Variants in NPIPB2 observed in about 807,000 individuals in gnomAD.
NPIPB2 encodes nuclear pore complex-interacting protein family member B2.
Under a neutral mutation model 30.8 loss-of-function variants are expected in NPIPB2, and 27 were observed. The observed-to-expected ratio is 0.88, with a 90% CI of 0.65 to 1.21. The LOEUF is 1.21. NPIPB2 is among the 50% of genes most tolerant of loss of function. The probability of loss-of-function intolerance (pLI) is 0.00; values close to 1 mark genes in which losing one functional copy is unlikely to be tolerated. For synonymous variants in NPIPB2, 147 were observed against 162.0 expected, an observed-to-expected ratio of 0.91 and a Z score of 0.70; for missense variants, 440 against 446.2, an observed-to-expected ratio of 0.99 and a Z score of 0.13.
intron 1 of NPIPB2, among the ~76,000 whole-genome samples, chr16:11,965,650 C>G (rs887292783): frequency 6.6e-6 from 1 of 152,018 alleles, no homozygotes; most frequent in African/African-American, 2.4e-5. Flanking sequence ...TGATTCAGCA[C>G]TATTAGCAAC....
intron 1 of NPIPB2, among the ~76,000 whole-genome samples, chr16:11,964,955 C>T (rs2055181666): frequency 6.6e-6 from 1 of 152,150 alleles, no homozygotes; most frequent in Non-Finnish European, 1.5e-5. Context: ...AACAGATGTT[C>T]CAGAAACTGT....
At chr16:11,959,174 C>A (rs549685497) in intron 1 of NPIPB2, among the ~76,000 whole-genome samples, 3 of 152,266 alleles carry the variant, frequency 2.0e-5, no homozygotes, top group African/African-American at 7.2e-5. Context: ...GGTGTGAGTA[C>A]TGGATTCCTC....
intron 1 of NPIPB2, among the ~76,000 whole-genome samples, chr16:11,971,084 T>C (rs2055232648): frequency 6.8e-6 from 1 of 147,934 alleles, no homozygotes; most frequent in Admixed American, 6.8e-5. Flanking sequence ...CTTGAACTCC[T>C]GGGCTCAAGC....
intron 1 of NPIPB2, among the ~76,000 whole-genome samples, chr16:11,963,103 G>C (rs181279260): frequency 6.6e-6 from 1 of 152,246 alleles, no homozygotes; most frequent in African/African-American, 2.4e-5. Context: ...AAATCATCCA[G>C]GCTAGGTGGC....
At chr16:11,948,761 C>T (rs1460966506) in intron 1 of NPIPB2, among the ~76,000 whole-genome samples, 5 of 80,654 alleles carry the variant, frequency 6.2e-5, no homozygotes, top group Non-Finnish European at 9.1e-5. Context: ...AGCGAGACTC[C>T]GTCTCAAAAA....
intron 1 of NPIPB2, chr16:11,967,787 C>A: frequency 6.2e-7 from 1 of 1,614,200 alleles, no homozygotes; most frequent in Non-Finnish European, 8.5e-7. Flanking sequence ...ATGACTATTG[C>A]AAGAGCCTGC....
chr16:11,957,396 C>G (rs1008650627), intron 1 of NPIPB2, among the ~76,000 whole-genome samples: 2 of 152,208 alleles, frequency 1.3e-5, no homozygotes, highest in Admixed American at 6.6e-5. Context: ...ATCTCCTGAC[C>G]TCGTGACCCA....
intron 1 of NPIPB2, among the ~76,000 whole-genome samples, chr16:11,976,201 T>G (rs1189460891): frequency 1.3e-5 from 2 of 152,096 alleles, no homozygotes; most frequent in African/African-American, 4.8e-5. Flanking sequence ...AGTGTTGGGA[T>G]TACAGGCGTG....
chr16:11,945,041 G>T (rs939996956), upstream of NPIPB2, among the ~76,000 whole-genome samples: 5 of 151,420 alleles, frequency 3.3e-5, no homozygotes, highest in African/African-American at 1.2e-4. Context: ...AAAAAAATTA[G>T]CCAGGCATGG....
rs138616612 is a variant in NPIPB2 at position 11,970,569 on chromosome 16, C to T, written c.-584+5999G>A. Among the ~76,000 whole-genome samples the T allele has an allele frequency of 5.0e-3, 759 of 151,842 alleles. 7 individuals carry two copies. The highest frequency in any genetic ancestry group is 0.031 in the East Asian group (161 of 5,156). ...CTTTCTTTTGAGACACAGTTTCACTCTTGTTGCCCAGGTTAGAGTGCAGTG... is the reference window on the plus strand; with the variant it reads ...CTTTCTTTTGAGACACAGTTTCACTTTTGTTGCCCAGGTTAGAGTGCAGTG... On this transcript the variant is annotated intron_variant, in intron 1 of 5. Coordinates refer to the NPIPB2 transcript ENST00000538896.
chr16:11,963,067 A>G (rs927024138), intron 1 of NPIPB2, among the ~76,000 whole-genome samples: 3 of 151,958 alleles, frequency 2.0e-5, no homozygotes, highest in African/African-American at 7.3e-5. Flanking sequence ...AAAACAAACA[A>G]ACAAACAAAC....
chr16:11,947,040 T>TATATATA (rs138584572), upstream of NPIPB2, among the ~76,000 whole-genome samples: 5 of 139,826 alleles, frequency 3.6e-5, no homozygotes, highest in Admixed American at 2.2e-4. Context: ...ACTATTTGAA[T>TATATATA]TATATATATA....
upstream of NPIPB2, among the ~76,000 whole-genome samples, chr16:11,942,778 C>T (rs1408434817): frequency 6.6e-6 from 1 of 151,628 alleles, no homozygotes; most frequent in African/African-American, 2.4e-5. Context: ...CCAGGACAGA[C>T]CCCCACTGTC....
chr16:11,967,672 C>T lies in NPIPB2; in HGVS notation c.-584+8896G>A, dbSNP rs764270889. The T allele has an allele frequency of 9.3e-6, 15 of 1,614,036 alleles. No homozygotes were observed. Among genetic ancestry groups the T allele is most frequent in the East Asian group, 8.9e-5 (4 of 44,900 alleles). On this transcript the variant is annotated intron_variant, in intron 1 of 5. Coordinates refer to the NPIPB2 transcript ENST00000538896. The stretch of plus-strand genomic sequence containing the variant: ...CTCGAGTACACGGTGGAAGAATGCA[C>T]CTGTGAAGACTGCATCAAGAGCAAA...
chr16:11,969,615 G>C (rs1234293955), intron 1 of NPIPB2, among the ~76,000 whole-genome samples: 1 of 152,146 alleles, frequency 6.6e-6, no homozygotes, highest in Non-Finnish European at 1.5e-5. Flanking sequence ...GAGAAGCCTA[G>C]AATCAACCAG....
intron 1 of NPIPB2, among the ~76,000 whole-genome samples, chr16:11,964,821 C>T (rs1321745442): frequency 1.3e-5 from 2 of 152,192 alleles, no homozygotes; most frequent in East Asian, 3.8e-4. Context: ...CCTTTTGACT[C>T]CCAAAGTCCT....
chr16:11,948,924 G>C (rs1025794745), intron 1 of NPIPB2, among the ~76,000 whole-genome samples: 1 of 152,070 alleles, frequency 6.6e-6, no homozygotes, highest in Non-Finnish European at 1.5e-5. Context: ...GATTGCTTGA[G>C]GCCAGGACTT....
chr16:11,941,999 G>C (rs1394477089), exon 1 of NPIPB2: 163 of 1,267,672 alleles, frequency 1.3e-4, no homozygotes, highest in Non-Finnish European at 1.7e-4. Context: ...AGAGTGCCAG[G>C]TTTTACAGCC....
chr16:11,959,105 G>A (rs1187618061), intron 1 of NPIPB2, among the ~76,000 whole-genome samples: 1 of 152,200 alleles, frequency 6.6e-6, no homozygotes, highest in African/African-American at 2.4e-5. Flanking sequence ...ATGGCTTTGG[G>A]AGTTTCCAGC....
Sources: allele counts gnomAD v4.1 joint callset (sites outside exome capture counted in the v4.1 genomes callset), GRCh38; gene constraint gnomAD v4.1.1; transcripts MANE v1.5; gene names NCBI Gene and HGNC (gene_info 2026-07-23, HGNC 2026-07-21).